The following RAB3GAP1 variants were observed in gnomAD, a reference collection of about 807,000 sequenced individuals.
RAB3GAP1 encodes rab3 GTPase-activating protein catalytic subunit.
A neutral mutation model predicts 130.7 loss-of-function variants in RAB3GAP1; 86 were observed. The observed-to-expected ratio is 0.66, with a 90% CI of 0.55 to 0.79. RAB3GAP1 has a LOEUF of 0.79. Ranked by LOEUF, RAB3GAP1 falls within the 30% of genes least tolerant of loss-of-function variation. RAB3GAP1 has a pLI of 0.00. For missense variants in RAB3GAP1, 1,029 were observed against 1,169.4 expected, an observed-to-expected ratio of 0.88 and a Z score of 1.75; for synonymous variants, 367 against 401.7, an observed-to-expected ratio of 0.91 and a Z score of 1.03.
At chr2:135,165,043 T>G in intron 23 of RAB3GAP1, 1 of 420,916 alleles carries the variant, frequency 2.4e-6, no homozygotes, top group Non-Finnish European at 4.7e-6. Flanking sequence ...GAGAATGGAG[T>G]TCAGTTTTAC....
intron 3 of RAB3GAP1, among the ~76,000 whole-genome samples, chr2:135,086,106 A>G (rs377136633): frequency 6.6e-6 from 1 of 152,188 alleles, no homozygotes; most frequent in East Asian, 1.9e-4. Context: ...TTCTATAACT[A>G]TACCACAGTA....
intron 3 of RAB3GAP1, among the ~76,000 whole-genome samples, chr2:135,060,470 C>T (rs1689137162): frequency 6.6e-6 from 1 of 151,790 alleles, no homozygotes; most frequent in South Asian, 2.1e-4. Flanking sequence ...CTGTGTTAGC[C>T]AGGATGGTCT....
intron 5 of RAB3GAP1, among the ~76,000 whole-genome samples, chr2:135,096,532 A>G (rs553972530): frequency 3.0e-4 from 45 of 152,280 alleles, no homozygotes; most frequent in African/African-American, 1.1e-3. Context: ...ATCCTTCCAC[A>G]TTCCGTTCTG....
At chr2:135,151,283 C>T (rs1270181994) in intron 18 of RAB3GAP1, among the ~76,000 whole-genome samples, 1 of 152,158 alleles carries the variant, frequency 6.6e-6, no homozygotes, top group Admixed American at 6.5e-5. Context: ...CTGAACTATC[C>T]CCAGGCGCAG....
chr2:135,136,614 AAAG>A, intron 17 of RAB3GAP1: 1 of 771,046 alleles, frequency 1.3e-6, no homozygotes, highest in Non-Finnish European at 1.8e-6. Context: ...GATGTTTAAA[AAAG>A]AAAATCCAAC....
intron 17 of RAB3GAP1, among the ~76,000 whole-genome samples, chr2:135,140,852 C>G (rs1051038324): frequency 3.9e-5 from 6 of 152,180 alleles, no homozygotes; most frequent in African/African-American, 1.4e-4. Context: ...TGGTGGGAAC[C>G]TTCTCAAAAT....
intron 17 of RAB3GAP1, among the ~76,000 whole-genome samples, chr2:135,143,157 G>A (rs1264313786): frequency 6.6e-6 from 1 of 151,460 alleles, no homozygotes; most frequent in Admixed American, 6.6e-5. Context: ...TTTATTTCTT[G>A]TATCAACTTT....
At chr2:135,157,432 G>A (rs949303013) in intron 19 of RAB3GAP1, among the ~76,000 whole-genome samples, 2 of 152,176 alleles carry the variant, frequency 1.3e-5, no homozygotes, top group Admixed American at 6.5e-5. Flanking sequence ...TAACCACACC[G>A]ACGGGGATTG....
At chr2:135,063,733 CTT>C (rs1342318347) in intron 3 of RAB3GAP1, among the ~76,000 whole-genome samples, 2 of 152,108 alleles carry the variant, frequency 1.3e-5, no homozygotes, top group African/African-American at 4.8e-5. Flanking sequence ...TTGATGGACA[CTT>C]GGGTCGCTTC....
chr2:135,116,744 C>A (rs1418960713), intron 7 of RAB3GAP1, among the ~76,000 whole-genome samples: 2 of 151,810 alleles, frequency 1.3e-5, no homozygotes, highest in Non-Finnish European at 2.9e-5. Context: ...GAAGATTCAG[C>A]CAAAAAAATG....
At chr2:135,158,666 G>T (rs1692382446) in intron 19 of RAB3GAP1, among the ~76,000 whole-genome samples, 1 of 152,184 alleles carries the variant, frequency 6.6e-6, no homozygotes, top group African/African-American at 2.4e-5. Flanking sequence ...CAAGAATCAT[G>T]AATATTAAGT....
intron 5 of RAB3GAP1, among the ~76,000 whole-genome samples, chr2:135,095,192 G>C (rs1050940097): frequency 1.3e-5 from 2 of 152,148 alleles, no homozygotes; most frequent in African/African-American, 4.8e-5. Context: ...GGGACTACAT[G>C]TGTCCACCAC....
At chr2:135,144,997 G>A (rs1259089087) in intron 17 of RAB3GAP1, among the ~76,000 whole-genome samples, 2 of 152,208 alleles carry the variant, frequency 1.3e-5, no homozygotes, top group Admixed American at 6.5e-5. Context: ...TAGAGTAACA[G>A]TGGTTTATTT....
At chr2:135,145,300 C>T (rs1021994335) in intron 17 of RAB3GAP1, among the ~76,000 whole-genome samples, 1 of 151,944 alleles carries the variant, frequency 6.6e-6, no homozygotes, top group Non-Finnish European at 1.5e-5. Context: ...ACCATAGTTA[C>T]CCTACTTTAC....
At position 135,093,614 on chromosome 2, in the gene RAB3GAP1, G is replaced by C. The variant is rs1690208420; in HGVS notation, c.284-1G>C. ...TTTTTCATTATCAAATGTTTTTGTA[G>C]ATGTTGTTCCACAATCTATGCAAGA... On this transcript the variant is annotated splice_acceptor_variant, in intron 4 of 23. Transcript: ENST00000264158. LOFTEE classifies it high-confidence loss of function. The C allele has an allele frequency of 6.2e-7, 1 of 1,610,744 alleles. No homozygotes were observed. Among genetic ancestry groups the C allele is most frequent in the Non-Finnish European group, 8.5e-7 (1 of 1,177,100 alleles).
intron 2 of RAB3GAP1, among the ~76,000 whole-genome samples, chr2:135,053,815 AAAT>A (rs1688942694): frequency 1.3e-5 from 2 of 152,182 alleles, no homozygotes; most frequent in Admixed American, 1.3e-4. Context: ...CTACCTGTAA[AAAT>A]AATAATTAAA....
At chr2:135,084,174 G>A (rs1479817656) in intron 3 of RAB3GAP1, among the ~76,000 whole-genome samples, 1 of 152,120 alleles carries the variant, frequency 6.6e-6, no homozygotes, top group African/African-American at 2.4e-5. Flanking sequence ...GAACCCGGGA[G>A]GCAGAGGTTG....
At chr2:135,066,386 A>G (rs1232946963) in intron 3 of RAB3GAP1, among the ~76,000 whole-genome samples, 2 of 152,230 alleles carry the variant, frequency 1.3e-5, no homozygotes, top group Admixed American at 6.5e-5. Context: ...ATCATGCACT[A>G]TAGTTGGGAC....
chr2:135,155,407 G>T (rs7594509), intron 19 of RAB3GAP1, among the ~76,000 whole-genome samples: 47,106 of 152,008 alleles, frequency 0.31, 11,043 homozygotes, highest in African/African-American at 0.64. Context: ...GTCAGAATAT[G>T]CAATTCATTA....
Sources: allele counts gnomAD v4.1 joint callset (sites outside exome capture counted in the v4.1 genomes callset), GRCh38; gene constraint gnomAD v4.1.1; transcripts MANE v1.5; gene names NCBI Gene and HGNC (gene_info 2026-07-23, HGNC 2026-07-21).